Variants in CDH4 observed in about 807,000 individuals in gnomAD.
CDH4 encodes the protein cadherin 4, also known as cadherin-4.
In CDH4, 33 loss-of-function variants were observed where a neutral mutation model predicts 86.0. The observed-to-expected ratio is 0.38, with a 90% CI of 0.29 to 0.51. The LOEUF (loss-of-function observed/expected upper bound fraction) is 0.51, where lower values mean the gene tolerates loss of function less well. CDH4 is among the 20% of genes least tolerant of loss of function. CDH4 has a pLI of 0.86. For synonymous variants in CDH4, 555 were observed against 549.4 expected (o/e 1.01, Z -0.14); for missense variants, 1,114 against 1,307.4 (o/e 0.85, Z 2.28).
rs546330772 is a variant in CDH4 at position 61,483,690 on chromosome 20, C to T, written c.169+228753C>T. Among the ~76,000 whole-genome samples the T allele has an allele frequency of 6.2e-5, 9 of 145,660 alleles. No homozygotes were observed. The South Asian group carries it at 9.0e-4, about 14-fold the overall frequency. ...GCACCCGCCCCCCCCGCCCCGCCCC[C>T]GCTGCCCCCAACACACACACAAATA... On this transcript the variant is annotated intron_variant, in intron 2 of 15. Coordinates refer to ENST00000614565, the MANE Select transcript of CDH4 (RefSeq NM_001794.5).
rs138251393 is a variant in CDH4 at position 61,699,168 on chromosome 20, G to A, written c.170-44395G>A. Among the ~76,000 whole-genome samples, 469 of 152,318 alleles carry A rather than the reference G, an allele frequency of 3.1e-3. 1 individual carries two copies. The highest frequency in any genetic ancestry group is 0.01 in the African/African-American group (429 of 41,566). On this transcript the variant is annotated intron_variant, in intron 2 of 15. Transcript: ENST00000614565. ...ATGAAGTGTGTGGTGGCGCACAGGC[G>A]CTCTGACCTTCTCCGTATCCCTGCA...
intron 7 of CDH4, among the ~76,000 whole-genome samples, chr20:61,883,442 A>G (rs1435570026): frequency 3.3e-5 from 5 of 152,096 alleles, no homozygotes; most frequent in Admixed American, 3.3e-4. Flanking sequence ...CCAGCATTGC[A>G]TGGGTGGAGG....
At position 61,518,925 on chromosome 20, in the gene CDH4, CTCAT is replaced by C. The variant is rs1001359672; in HGVS notation, c.170-224633_170-224630del. On this transcript the variant is annotated intron_variant, in intron 2 of 15. Coordinates refer to ENST00000614565, the MANE Select transcript of CDH4 (RefSeq NM_001794.5). This position sits in a 1 kb window ranked among gnomAD's most constrained non-coding sequence, Gnocchi z 6.3. ...ATCCATCATTCATTCATCTACCCAC[CTCAT>C]TCATCCATCATTCATTCATCTATCC... Among the ~76,000 whole-genome samples, 6 of 151,904 alleles carry C rather than the reference CTCAT, an allele frequency of 3.9e-5. No individual in the cohort carries two copies. The highest frequency in any genetic ancestry group is 1.5e-4 in the African/African-American group (6 of 41,306).
intron 9 of CDH4, among the ~76,000 whole-genome samples, chr20:61,913,943 C>T (rs79697069): frequency 6.6e-6 from 1 of 152,198 alleles, no homozygotes; most frequent in South Asian, 2.1e-4. Context: ...GGTCTCCTGT[C>T]CAGCTCCACC....
At chr20:61,538,438 G>T (rs1460081675) in intron 2 of CDH4, among the ~76,000 whole-genome samples, 1 of 152,132 alleles carries the variant, frequency 6.6e-6, no homozygotes, top group Admixed American at 6.5e-5. Flanking sequence ...TAATATCCAT[G>T]CCCCAACCCA....
At chr20:61,524,725 T>A (rs751926154) in intron 2 of CDH4, among the ~76,000 whole-genome samples, 1 of 152,206 alleles carries the variant, frequency 6.6e-6, no homozygotes, top group Non-Finnish European at 1.5e-5. Flanking sequence ...GCTCAAGTGC[T>A]GCCCACCTCG....
intron 2 of CDH4, among the ~76,000 whole-genome samples, chr20:61,512,352 G>A (rs1568871467): frequency 6.6e-6 from 1 of 152,186 alleles, no homozygotes. Flanking sequence ...GAAGGGGATT[G>A]TCCCGCATGG....
chr20:61,923,334 G>C, intron 9 of CDH4, 117 bp from the exon 10 acceptor site: 1 of 1,008,852 alleles, frequency 9.9e-7, no homozygotes, highest in Non-Finnish European at 1.5e-6. Context: ...GAGCAGAGCA[G>C]AGAAGAGCTG....
At chr20:61,634,958 G>T (rs192902425) in intron 2 of CDH4, among the ~76,000 whole-genome samples, 1 of 152,186 alleles carries the variant, frequency 6.6e-6, no homozygotes, top group Non-Finnish European at 1.5e-5. Context: ...GTTCCGAAGC[G>T]TGTGTCGGAA....
intron 3 of CDH4, among the ~76,000 whole-genome samples, chr20:61,745,615 T>C (rs1241364114): frequency 6.6e-6 from 1 of 151,636 alleles, no homozygotes; most frequent in African/African-American, 2.4e-5. Flanking sequence ...GTGTATGTCA[T>C]TTTCCTTCTT....
At chr20:61,749,639 A>AG (rs142204614) in intron 3 of CDH4, among the ~76,000 whole-genome samples, 1,660 of 151,000 alleles carry the variant, frequency 0.011, 35 homozygotes, top group African/African-American at 0.038. Context: ...ACCCTTGGGC[A>AG]GGAAAAAAAA....
intron 4 of CDH4, among the ~76,000 whole-genome samples, chr20:61,813,847 C>G (rs112791332): frequency 6.6e-6 from 1 of 152,224 alleles, no homozygotes; most frequent in African/African-American, 2.4e-5. Context: ...AGATTACCAA[C>G]GGCCCTACCC....
At chr20:61,379,284 G>A (rs571274403) in intron 2 of CDH4, among the ~76,000 whole-genome samples, 2 of 152,172 alleles carry the variant, frequency 1.3e-5, no homozygotes, top group South Asian at 4.1e-4. Flanking sequence ...TGGCTGTGGG[G>A]TGCTGGGTCT....
chr20:61,457,701 G>A (rs777500548), intron 2 of CDH4, among the ~76,000 whole-genome samples: 247 of 151,986 alleles, frequency 1.6e-3, no homozygotes, highest in Non-Finnish European at 2.6e-3. Context: ...TTGGGATGGT[G>A]ATGGTTATGA....
intron 2 of CDH4, among the ~76,000 whole-genome samples, chr20:61,729,643 C>T (rs1269504561): frequency 1.3e-5 from 2 of 152,206 alleles, no homozygotes; most frequent in African/African-American, 2.4e-5. Flanking sequence ...TCAACAAAGA[C>T]GTGGAGACGA....
chr20:61,373,841 C>T (rs1225450194), intron 2 of CDH4, among the ~76,000 whole-genome samples: 1 of 152,202 alleles, frequency 6.6e-6, no homozygotes, highest in African/African-American at 2.4e-5. Context: ...AAATGCACAG[C>T]AGCTTGAAGA....
At chr20:61,880,600 G>A (rs573120914) in intron 7 of CDH4, among the ~76,000 whole-genome samples, 135 of 152,260 alleles carry the variant, frequency 8.9e-4, no homozygotes, top group South Asian at 4.1e-3. Context: ...GTCCCATGGC[G>A]TCCCCCAAGT....
chr20:61,440,215 C>T (rs556391998), intron 2 of CDH4, among the ~76,000 whole-genome samples: 73 of 152,286 alleles, frequency 4.8e-4, no homozygotes, highest in Non-Finnish European at 9.0e-4. Flanking sequence ...ACCAGATAAC[C>T]ACTGAGGAGG....
At chr20:61,447,677 C>A (rs6062092) in intron 2 of CDH4, among the ~76,000 whole-genome samples, 89,701 of 142,184 alleles carry the variant, frequency 0.63, 28,864 homozygotes, top group African/African-American at 0.79. Context: ...AATTTTAATA[C>A]GATGCATGGG....
Sources: gnomAD v4.1 joint callset for allele counts (sites outside exome capture counted in the v4.1 genomes callset) on GRCh38, gnomAD v4.1.1 for gene constraint, Gnocchi (gnomAD v3.1) non-coding constraint, MANE v1.5 for transcripts, NCBI Gene and HGNC (gene_info 2026-07-23, HGNC 2026-07-21) for gene names.